EPB41L2: variants seen among roughly 807,000 people sequenced by gnomAD.
EPB41L2 encodes band 4.1-like protein 2.
Under a neutral mutation model 113.0 loss-of-function variants are expected in EPB41L2, and 43 were observed. The ratio of observed to expected loss-of-function variants is 0.38; its 90% CI spans 0.30 to 0.49. The LOEUF is 0.49. EPB41L2 is among the 20% of genes least tolerant of loss of function. The pLI is 0.95. For missense variants in EPB41L2, 1,147 were observed against 1,223.4 expected (o/e 0.94, Z 0.93); for synonymous variants, 442 against 436.7 (o/e 1.01, Z -0.15).
At chr6:130,939,478 C>A (rs1810031027) in intron 3 of EPB41L2, among the ~76,000 whole-genome samples, 1 of 152,128 alleles carries the variant, frequency 6.6e-6, no homozygotes, top group Non-Finnish European at 1.5e-5. Flanking sequence ...TGGTCTCAAA[C>A]TCCTGACCTC....
At chr6:130,982,106 A>T (rs1188261367) in intron 1 of EPB41L2, among the ~76,000 whole-genome samples, 2 of 131,446 alleles carry the variant, frequency 1.5e-5, no homozygotes, top group African/African-American at 5.9e-5. Flanking sequence ...GCTAAGAATT[A>T]AAAAAAAAAA....
At chr6:130,949,370 G>C (rs1259500930) in intron 3 of EPB41L2, among the ~76,000 whole-genome samples, 2 of 152,236 alleles carry the variant, frequency 1.3e-5, no homozygotes, top group Non-Finnish European at 2.9e-5. Flanking sequence ...GGGAGGCCAA[G>C]GAGGGAGAAT....
At position 130,894,316 on chromosome 6, in the gene EPB41L2, G is replaced by A. The variant is rs780578182; in HGVS notation, c.1487+28C>T. 21 of 1,583,032 alleles carry A rather than the reference G, an allele frequency of 1.3e-5. No individual in the cohort carries two copies. In the Admixed American group the frequency reaches 1.5e-4, roughly 11 times the overall value. On this transcript the variant is annotated intron_variant, in intron 10 of 19. Transcript: ENST00000337057. ...ATTACAGGCATGTGCGATCATGCCC[G>A]GCTTCCGAGCTGTTTTCCTAAAATT... is the stretch of plus-strand genomic sequence containing the variant.
chr6:130,869,640 C>A lies in EPB41L2; in HGVS notation c.2530G>T (p.Glu844Ter). The change falls in exon 15 of 20, where the codon GAA (glutamate) becomes TAA (stop). Residue 844 changes from glutamate (E) to a stop codon, truncating the protein, a stop_gained. Transcript: ENST00000337057. LOFTEE classifies it high-confidence loss of function. ...TCTCCGTTAACTTTCTGTGGCTCTT[C>A]CTCTGCTTCTTCTCCCATGTCTTGC... ...LKQDMGEEAEEEPQKVNGEVS... is the reference protein window; with the variant it reads ...LKQDMGEEAE 6.2e-7 allele frequency: 1 copy of A among 1,614,194 alleles called. No individual in the cohort carries two copies. Among genetic ancestry groups the A allele is most frequent in the Non-Finnish European group, 8.5e-7 (1 of 1,180,026 alleles).
intron 3 of EPB41L2, among the ~76,000 whole-genome samples, chr6:130,934,172 T>C (rs1298647783): frequency 1.3e-5 from 2 of 152,202 alleles, no homozygotes; most frequent in Non-Finnish European, 2.9e-5. Context: ...CTGTGATTTA[T>C]CAGATAATTA....
chr6:131,030,865 C>T (rs1298080945), intron 1 of EPB41L2, among the ~76,000 whole-genome samples: 2 of 151,044 alleles, frequency 1.3e-5, no homozygotes, highest in Non-Finnish European at 2.9e-5. Context: ...CGCTTGAGCT[C>T]AGGAGCTCGA....
intron 1 of EPB41L2, among the ~76,000 whole-genome samples, chr6:131,003,028 T>A (rs1176756994): frequency 1.3e-5 from 2 of 152,216 alleles, no homozygotes; most frequent in Admixed American, 1.3e-4. Context: ...ATAGTAGTTT[T>A]AAGCAAGTTA....
At chr6:130,921,366 C>T (rs1202895067) in intron 4 of EPB41L2, among the ~76,000 whole-genome samples, 1 of 152,122 alleles carries the variant, frequency 6.6e-6, no homozygotes, top group Admixed American at 6.5e-5. Context: ...ACTCCATTAG[C>T]ACTCCCCACA....
rs142074323 is a variant in EPB41L2 at position 130,930,054 on chromosome 6, A to G, written c.706-3345T>C. 5.9e-5 allele frequency among the ~76,000 whole-genome samples: 9 copies of G among 152,170 alleles called. No individual in the cohort carries two copies. The East Asian group carries it at 1.7e-3, about 29-fold the overall frequency. ...AGTTATATACACCACTCATTCCCAA[A>G]AAGAGCAGCAGAGTGAGACAAGAAA... On this transcript the variant is annotated intron_variant, in intron 3 of 19. Coordinates refer to ENST00000337057, the MANE Select transcript of EPB41L2 (RefSeq NM_001431.4).
intron 1 of EPB41L2, among the ~76,000 whole-genome samples, chr6:131,008,217 G>C (rs1383906123): frequency 6.6e-6 from 1 of 152,180 alleles, no homozygotes; most frequent in African/African-American, 2.4e-5. Context: ...CTGCATCCCA[G>C]CTGCTTCAGC....
chr6:130,989,424 A>C (rs2128692295), intron 1 of EPB41L2, among the ~76,000 whole-genome samples: 1 of 152,262 alleles, frequency 6.6e-6, no homozygotes, highest in South Asian at 2.1e-4. Flanking sequence ...TTATAATCTC[A>C]ATTTTGAACA....
rs1554238944 is a variant in EPB41L2, at chr6:130,861,874, C to CCAAAA, written c.2910+1763_2910+1764insTTTTG. The stretch of plus-strand genomic sequence containing the variant: ...GCACCAGAGGGAGACTCCATCTCCC[C>CCAAAA]AAAAAAAAAAAAAAAGTTTATGCTA... On this transcript the variant is annotated intron_variant, in intron 18 of 19. Transcript: ENST00000337057. Among the ~76,000 whole-genome samples, 923 of 120,688 alleles carry CCAAAA rather than the reference C, an allele frequency of 7.6e-3. 9 individuals are homozygous for CCAAAA. Among genetic ancestry groups the CCAAAA allele is most frequent in the African/African-American group, 0.027 (861 of 32,122 alleles). The allele number at this position is 120,688 out of a possible 152,430, so 79.2% of individuals were successfully genotyped here.
intron 5 of EPB41L2, 65 bp from the exon 6 acceptor site, chr6:130,904,605 T>C: frequency 4.4e-6 from 5 of 1,147,892 alleles, no homozygotes; most frequent in Non-Finnish European, 6.3e-6. Flanking sequence ...GTGATAAAAT[T>C]TAAAGGTCAA....
intron 12 of EPB41L2, among the ~76,000 whole-genome samples, chr6:130,884,020 A>T: frequency 6.6e-6 from 1 of 152,084 alleles, no homozygotes; most frequent in Non-Finnish European, 1.5e-5. Flanking sequence ...TCTTTTAAAA[A>T]TTTTCAAAGT....
At chr6:130,980,754 A>G (rs1365112843) in intron 1 of EPB41L2, among the ~76,000 whole-genome samples, 1 of 152,198 alleles carries the variant, frequency 6.6e-6, no homozygotes, top group Non-Finnish European at 1.5e-5. Context: ...AGGAATTCAC[A>G]ACAACCAATC....
intron 1 of EPB41L2, among the ~76,000 whole-genome samples, chr6:131,048,721 T>C (rs919112413): frequency 1.3e-5 from 2 of 152,272 alleles, no homozygotes; most frequent in African/African-American, 2.4e-5. Context: ...AGGTTCATTA[T>C]ACTACTATTC....
intron 1 of EPB41L2, among the ~76,000 whole-genome samples, chr6:130,986,342 T>C (rs182812463): frequency 2.8e-4 from 42 of 151,808 alleles, no homozygotes; most frequent in Admixed American, 2.7e-3. Context: ...AATCATAACA[T>C]GAAAAGATAT....
chr6:130,863,840 A>C, intron 17 of EPB41L2, 122 bp from the exon 18 acceptor site: 1 of 592,364 alleles, frequency 1.7e-6, no homozygotes, highest in South Asian at 2.2e-5. Context: ...ACACACAACA[A>C]GCAGCAAAAG....
chr6:130,956,546 C>G, intron 1 of EPB41L2, 47 bp from the exon 2 acceptor site: 4 of 1,532,348 alleles, frequency 2.6e-6, no homozygotes, highest in Non-Finnish European at 3.5e-6. Flanking sequence ...TAAGTTCTCT[C>G]AAATTTAGTT....
Sources: gnomAD v4.1 joint callset for allele counts (sites outside exome capture counted in the v4.1 genomes callset) on GRCh38, gnomAD v4.1.1 for gene constraint, MANE v1.5 for transcripts, NCBI Gene and HGNC (gene_info 2026-07-23, HGNC 2026-07-21) for gene names.